HIVEP3: variants seen among roughly 807,000 people sequenced by gnomAD.
HIVEP3 encodes the protein HIVEP zinc finger 3.
HIVEP3 carries 49 observed loss-of-function variants against 152.8 expected under a neutral mutation model. The observed-to-expected ratio is 0.32, with a 90% confidence interval of 0.26 to 0.41. The LOEUF is 0.41. HIVEP3 is among the 10% of genes least tolerant of loss of function. The pLI is 1.00. For missense variants in HIVEP3, 2,790 were observed against 3,103.3 expected (o/e 0.90, Z 2.40); for synonymous variants, 1,269 against 1,289.0 (o/e 0.98, Z 0.33).
intron 1 of HIVEP3, among the ~76,000 whole-genome samples, chr1:41,865,030 G>A (rs1643943535): frequency 6.6e-6 from 1 of 152,330 alleles, no homozygotes; most frequent in South Asian, 2.1e-4. Flanking sequence ...GGGTGAAGGA[G>A]CTTGTCATAA....
intron 1 of HIVEP3, among the ~76,000 whole-genome samples, chr1:41,774,434 C>A (rs1648565573): frequency 1.3e-5 from 2 of 152,208 alleles, no homozygotes; most frequent in East Asian, 3.8e-4. Context: ...AGGACTCTAG[C>A]TTCTAATTAA....
chr1:41,790,606 T>C (rs566527778), intron 1 of HIVEP3, among the ~76,000 whole-genome samples: 65 of 152,276 alleles, frequency 4.3e-4, no homozygotes, highest in African/African-American at 1.4e-3. Context: ...AAATGTGAGT[T>C]TCCTTTCTTC....
intron 6 of HIVEP3, among the ~76,000 whole-genome samples, chr1:41,524,298 G>A (rs1642840928): frequency 6.6e-6 from 1 of 152,200 alleles, no homozygotes; most frequent in Admixed American, 6.5e-5. Flanking sequence ...GCATGCGAGT[G>A]TGTTAAGCAG....
chr1:41,809,360 AC>A (rs769001600), intron 1 of HIVEP3, among the ~76,000 whole-genome samples: 2 of 152,234 alleles, frequency 1.3e-5, no homozygotes, highest in Non-Finnish European at 2.9e-5. Context: ...AACAGGTGGT[AC>A]CAAAGACACG....
At chr1:41,564,513 C>T (rs770037168) in intron 5 of HIVEP3, among the ~76,000 whole-genome samples, 15 of 152,146 alleles carry the variant, frequency 9.9e-5, no homozygotes, top group Admixed American at 3.9e-4. Flanking sequence ...ACGTCATGTT[C>T]TAGGGTTGTA....
At chr1:41,587,644 C>T (rs16828419) in intron 3 of HIVEP3, among the ~76,000 whole-genome samples, 2,070 of 152,288 alleles carry the variant, frequency 0.014, 61 homozygotes, top group African/African-American at 0.046. Context: ...AAAGTTACAC[C>T]GTGATCTTCT....
intron 5 of HIVEP3, among the ~76,000 whole-genome samples, chr1:41,532,019 G>A (rs111162029): frequency 7.6e-6 from 1 of 131,454 alleles, no homozygotes; most frequent in African/African-American, 3.0e-5. Context: ...GGACAGGAGA[G>A]ATGGAAGACA....
In HIVEP3 at chr1:41,552,333, C is replaced by G. The variant is rs917528359; in HGVS notation, c.5207+23211G>C. Among the ~76,000 whole-genome samples, 3 of 150,024 alleles carry G rather than the reference C, an allele frequency of 2.0e-5. No individual in the cohort carries two copies. In the East Asian group the frequency reaches 5.8e-4, roughly 29 times the overall value. ...TTGCACCCACTAACTCGTCATCTAG[C>G]ATTAGGTATATCTCCCAATGCTATC... On this transcript the variant is annotated intron_variant, in intron 5 of 8. Transcript: ENST00000372583.
chr1:41,643,717 G>T (rs2149158270), intron 2 of HIVEP3, among the ~76,000 whole-genome samples: 1 of 152,176 alleles, frequency 6.6e-6, no homozygotes, highest in South Asian at 2.1e-4. Flanking sequence ...TTAGCTACAT[G>T]GCCTAGGAAC....
rs189865638 is a variant in HIVEP3 at position 41,551,593 on chromosome 1, T to C, written c.5207+23951A>G. ...TCTCTTCAGAGATTCAGTTTCTTCC[T>C]GGTTTAGTCTTGGGAGGGTGTATGT... is the stretch of plus-strand genomic sequence containing the variant. On this transcript the variant is annotated intron_variant, in intron 5 of 8. Transcript: ENST00000372583. 2.5e-3 allele frequency among the ~76,000 whole-genome samples: 378 copies of C among 152,330 alleles called. 1 individual carries two copies. The highest frequency in any genetic ancestry group is 4.3e-3 in the Non-Finnish European group (295 of 68,026).
intron 5 of HIVEP3, among the ~76,000 whole-genome samples, chr1:41,573,616 A>G (rs1426746893): frequency 2.6e-5 from 4 of 152,222 alleles, no homozygotes; most frequent in African/African-American, 9.6e-5. Context: ...TAGTAGTAAA[A>G]TGCACCAATG....
At chr1:41,922,811 G>GGGAA (rs915410227), upstream of HIVEP3, among the ~76,000 whole-genome samples, 6 of 149,048 alleles carry the variant, frequency 4.0e-5, no homozygotes, top group South Asian at 4.3e-4. Flanking sequence ...GAAGGAGGGA[G>GGGAA]GGAAGGAAGG....
chr1:41,552,954 C>A (rs1207018502), intron 5 of HIVEP3, among the ~76,000 whole-genome samples: 1 of 152,156 alleles, frequency 6.6e-6, no homozygotes, highest in Admixed American at 6.5e-5. Flanking sequence ...CTATGTGGTG[C>A]TGAGAAGAAT....
intron 5 of HIVEP3, among the ~76,000 whole-genome samples, chr1:41,556,668 G>A (rs753785949): frequency 1.7e-4 from 26 of 151,960 alleles, no homozygotes; most frequent in Admixed American, 3.3e-4. Context: ...TTTTTCTTTT[G>A]TTGCCTATGC....
chr1:41,676,717 C>A (rs571091850), intron 2 of HIVEP3, among the ~76,000 whole-genome samples: 2 of 152,310 alleles, frequency 1.3e-5, no homozygotes, highest in East Asian at 3.9e-4. Flanking sequence ...ACTCCACTCT[C>A]AATTCAGGCA....
At chr1:41,595,049 C>G (rs1255510494) in intron 3 of HIVEP3, among the ~76,000 whole-genome samples, 1 of 152,164 alleles carries the variant, frequency 6.6e-6, no homozygotes, top group Non-Finnish European at 1.5e-5. Context: ...TAGCCCTATT[C>G]CAAATCCACT....
chr1:41,564,952 G>T (rs533370742), intron 5 of HIVEP3, among the ~76,000 whole-genome samples: 1 of 152,222 alleles, frequency 6.6e-6, no homozygotes, highest in Non-Finnish European at 1.5e-5. Flanking sequence ...GCAGTCAGGA[G>T]CCACCAGACA....
At position 41,665,705 on chromosome 1, in the gene HIVEP3, T is replaced by TACACACACACACACACACACAC. The variant is rs1489493920; in HGVS notation, c.-721+35210_-721+35211insGTGTGTGTGTGTGTGTGTGTGT. ...TGAATGCTTGTTTCCACGGAAATGT[T>TACACACACACACACACACACAC]ATACACACACACACACACACACACA... On this transcript the variant is annotated intron_variant, in intron 2 of 8. Transcript: ENST00000372583. 3.2e-4 allele frequency among the ~76,000 whole-genome samples: 7 copies of TACACACACACACACACACACAC among 21,850 alleles called. No individual in the cohort carries two copies. The East Asian group carries it at 0.054, about 167-fold the overall frequency. The allele number at this position is 21,850 out of a possible 152,430, so 14.3% of individuals were successfully genotyped here.
At chr1:41,985,947 A>G (rs982120394) in intron 1 of HIVEP3, among the ~76,000 whole-genome samples, 3 of 152,220 alleles carry the variant, frequency 2.0e-5, no homozygotes, top group Admixed American at 2.0e-4. Flanking sequence ...GTTTTAAAAA[A>G]AAAGATCCAC....
Sources: gnomAD v4.1 joint callset for allele counts (sites outside exome capture counted in the v4.1 genomes callset) on GRCh38, gnomAD v4.1.1 for gene constraint, MANE v1.5 for transcripts, NCBI Gene and HGNC (gene_info 2026-07-23, HGNC 2026-07-21) for gene names.